CDYL2: variants seen among roughly 807,000 people sequenced by gnomAD.
CDYL2 encodes the protein chromodomain Y-like protein 2.
A neutral mutation model predicts 49.4 loss-of-function variants in CDYL2; 23 were observed. The ratio of observed to expected loss-of-function variants is 0.47; its 90% CI spans 0.34 to 0.66. The LOEUF (loss-of-function observed/expected upper bound fraction) is 0.66. CDYL2 is among the 30% of genes least tolerant of loss of function. The pLI is 0.01. For missense variants in CDYL2, 678 were observed against 656.4 expected, an observed-to-expected ratio of 1.03 and a Z score of -0.36; for synonymous variants, 360 against 268.8, an observed-to-expected ratio of 1.34 and a Z score of -3.32.
intron 1 of CDYL2, among the ~76,000 whole-genome samples, chr16:80,728,920 C>A (rs1393857184): frequency 6.6e-6 from 1 of 151,176 alleles, no homozygotes; most frequent in African/African-American, 2.4e-5. Context: ...TTGTCACCAC[C>A]AGGCCTGCCC....
intron 1 of CDYL2, among the ~76,000 whole-genome samples, chr16:80,715,553 A>C (rs573713584): frequency 6.6e-6 from 1 of 152,056 alleles, no homozygotes; most frequent in East Asian, 1.9e-4. Flanking sequence ...GCAGCCTCCA[A>C]AGGAAAATCT....
chr16:80,618,382 C>T (rs1038309138), intron 4 of CDYL2, among the ~76,000 whole-genome samples: 17 of 152,316 alleles, frequency 1.1e-4, no homozygotes, highest in Admixed American at 3.3e-4. Context: ...ACAGATACCA[C>T]GCAGCAGACC....
At chr16:80,734,412 A>G (rs2142543178) in intron 1 of CDYL2, among the ~76,000 whole-genome samples, 1 of 152,322 alleles carries the variant, frequency 6.6e-6, no homozygotes, top group Non-Finnish European at 1.5e-5. Flanking sequence ...TCCATGAGCC[A>G]TGAGGACAAC....
intron 2 of CDYL2, among the ~76,000 whole-genome samples, chr16:80,675,733 G>A (rs750873400): frequency 2.0e-5 from 3 of 151,440 alleles, no homozygotes; most frequent in Non-Finnish European, 3.0e-5. Flanking sequence ...AAGGAGAGCG[G>A]CTTTTCACCG....
chr16:80,675,500 C>T (rs925731582), intron 2 of CDYL2, among the ~76,000 whole-genome samples: 1 of 152,162 alleles, frequency 6.6e-6, no homozygotes, highest in African/African-American at 2.4e-5. Flanking sequence ...TCACCACCAC[C>T]ACCACCGCTG....
chr16:80,762,802 C>T (rs1010092800), intron 1 of CDYL2, among the ~76,000 whole-genome samples: 1 of 152,098 alleles, frequency 6.6e-6, no homozygotes, highest in African/African-American at 2.4e-5. Context: ...AGGGCAGAGA[C>T]GTGTCCTTTC....
chr16:80,753,331 G>A (rs192037945), intron 1 of CDYL2, among the ~76,000 whole-genome samples: 37 of 152,080 alleles, frequency 2.4e-4, no homozygotes, highest in African/African-American at 3.6e-4. Flanking sequence ...ATTCCAGGCC[G>A]GGCACGGTGG....
At chr16:80,769,084 C>A (rs1906821835) in intron 1 of CDYL2, among the ~76,000 whole-genome samples, 1 of 152,150 alleles carries the variant, frequency 6.6e-6, no homozygotes, top group South Asian at 2.1e-4. Flanking sequence ...GCCCCAAATA[C>A]CCATCACATA....
At chr16:80,654,077 G>A (rs1255683177) in intron 2 of CDYL2, among the ~76,000 whole-genome samples, 1 of 152,206 alleles carries the variant, frequency 6.6e-6, no homozygotes, top group East Asian at 1.9e-4. Flanking sequence ...CCCCGTGCAG[G>A]ATGGAGCCAC....
At chr16:80,667,387 A>G (rs1909310865) in intron 2 of CDYL2, among the ~76,000 whole-genome samples, 1 of 152,172 alleles carries the variant, frequency 6.6e-6, no homozygotes, top group Non-Finnish European at 1.5e-5. Flanking sequence ...ATGCCCTTGT[A>G]CATGCTGTCA....
chr16:80,781,308 C>A (rs200786584), intron 1 of CDYL2, among the ~76,000 whole-genome samples: 1 of 152,046 alleles, frequency 6.6e-6, no homozygotes, highest in Non-Finnish European at 1.5e-5. Flanking sequence ...TTTTTAAATA[C>A]TAATATTGTT....
rs116107759 is a variant in CDYL2, at chr16:80,676,441, C to T, written c.616+8097G>A. On this transcript the variant is annotated intron_variant, in intron 2 of 6. Transcript: ENST00000570137. ...CTGCCCCGGGAACACCCTTCCTGAC[C>T]TCTCAGTGGTTCACCAGATAGTGTG... Among the ~76,000 whole-genome samples, 650 of 152,222 alleles carry T rather than the reference C, an allele frequency of 4.3e-3. 2 individuals are homozygous for T. The highest frequency in any genetic ancestry group is 0.015 in the African/African-American group (607 of 41,534).
intron 4 of CDYL2, among the ~76,000 whole-genome samples, chr16:80,619,811 G>T (rs1157092933): frequency 6.6e-6 from 1 of 152,204 alleles, no homozygotes; most frequent in Non-Finnish European, 1.5e-5. Context: ...GAGGGACTCA[G>T]AATTCCACAC....
chr16:80,615,193 T>C (rs1461344807), intron 4 of CDYL2, among the ~76,000 whole-genome samples: 1 of 152,186 alleles, frequency 6.6e-6, no homozygotes, highest in Non-Finnish European at 1.5e-5. Context: ...AAGCTTGGTA[T>C]TCCAGTGGCC....
intron 1 of CDYL2, among the ~76,000 whole-genome samples, chr16:80,703,268 G>A (rs1904313446): frequency 2.6e-5 from 4 of 152,166 alleles, no homozygotes; most frequent in African/African-American, 4.8e-5. Context: ...ATAAATATAT[G>A]TGAATAGCAT....
intron 1 of CDYL2, among the ~76,000 whole-genome samples, chr16:80,749,164 C>G (rs1042905570): frequency 6.6e-6 from 1 of 152,066 alleles, no homozygotes; most frequent in Non-Finnish European, 1.5e-5. Context: ...ATTATTTATA[C>G]TTTTAGTTTC....
intron 1 of CDYL2, among the ~76,000 whole-genome samples, chr16:80,726,527 A>G (rs1017588532): frequency 2.0e-5 from 3 of 152,260 alleles, no homozygotes; most frequent in African/African-American, 7.2e-5. Context: ...CATGCAATAC[A>G]TATTTACTGA....
chr16:80,749,934 A>T (rs1906072869), intron 1 of CDYL2, among the ~76,000 whole-genome samples: 1 of 152,188 alleles, frequency 6.6e-6, no homozygotes, highest in African/African-American at 2.4e-5. Flanking sequence ...TGTCCTTTGT[A>T]GGGACATGGA....
chr16:80,797,655 G>T (rs550530319), intron 1 of CDYL2, among the ~76,000 whole-genome samples: 60 of 152,122 alleles, frequency 3.9e-4, no homozygotes, highest in African/African-American at 1.4e-3. Context: ...TTTATTTCAT[G>T]TAAAATAAAC....
Sources: gnomAD v4.1 joint callset for allele counts (sites outside exome capture counted in the v4.1 genomes callset) on GRCh38, gnomAD v4.1.1 for gene constraint, MANE v1.5 for transcripts, NCBI Gene and HGNC (gene_info 2026-07-23, HGNC 2026-07-21) for gene names.